PLOD1: variants seen among roughly 807,000 people sequenced by gnomAD.
PLOD1 encodes the protein lysine hydroxylase.
PLOD1 carries 70 observed loss-of-function variants against 94.7 expected under a neutral mutation model. The observed-to-expected ratio is 0.74, with a 90% CI of 0.61 to 0.90. PLOD1 has a LOEUF of 0.90. Among genes scored for constraint, PLOD1 ranks in the 40% least tolerant of loss-of-function variants. The pLI, the probability that PLOD1 is intolerant of heterozygous loss-of-function variation, is 0.00. For missense variants in PLOD1, 905 were observed against 972.7 expected, an observed-to-expected ratio of 0.93 and a Z score of 0.93; for synonymous variants, 417 against 400.2, an observed-to-expected ratio of 1.04 and a Z score of -0.50.
rs779727617 is a variant in PLOD1 at position 11,957,806 on chromosome 1, G to C, written c.742-36G>C. ...AGTCAGGGCTATGGCAGGTGGGGCTGGCTGGCTTCTCTGTGACCCCACGTC... is the reference window on the plus strand; with the variant it reads ...AGTCAGGGCTATGGCAGGTGGGGCTCGCTGGCTTCTCTGTGACCCCACGTC... On this transcript the variant is annotated intron_variant, in intron 7 of 18. Transcript: ENST00000196061. This position sits in a 1 kb window ranked among gnomAD's most constrained non-coding sequence, Gnocchi z 4.1. The C allele has an allele frequency of 4.1e-5, 60 of 1,452,364 alleles. No individual in the cohort carries two copies. The Middle Eastern group carries it at 1.6e-3, about 38-fold the overall frequency. The allele number at this position is 1,452,364 out of a possible 1,614,324, so 90.0% of individuals were successfully genotyped here. A position where few individuals can be genotyped will look rare whatever the true frequency, so the allele number is the denominator to read the frequency against.
At position 11,958,785 on chromosome 1, in the gene PLOD1, C is replaced by A; in HGVS notation, c.975+138C>A. ...ATGACAATCACCAGTGGACTGTGTC[C>A]CCAAATCACTGAGTTAACTTTGGAG... is the stretch of plus-strand genomic sequence containing the variant. On this transcript the variant is annotated intron_variant, in intron 9 of 18. Transcript: ENST00000196061. The surrounding 1 kb of genome is among the most constrained non-coding windows in gnomAD (Gnocchi z 4.3). The A allele has an allele frequency of 1.0e-6, 1 of 991,230 alleles. No homozygotes were observed. Among genetic ancestry groups the A allele is most frequent in the Non-Finnish European group, 1.5e-6 (1 of 647,212 alleles). 61.4% of individuals were successfully genotyped at this position (991,230 alleles called of 1,614,324 possible). A position where few individuals can be genotyped will look rare whatever the true frequency, so the allele number is the denominator to read the frequency against.
intron 11 of PLOD1, 148 bp from the exon 12 acceptor site, chr1:11,964,027 C>G: frequency 1.1e-6 from 1 of 870,798 alleles, no homozygotes; most frequent in Non-Finnish European, 1.9e-6. Flanking sequence ...CCCCCGACAC[C>G]CCGGCCAAGG....
intron 16 of PLOD1, among the ~76,000 whole-genome samples, chr1:11,969,535 C>T (rs1413009319): frequency 6.6e-6 from 1 of 152,176 alleles, no homozygotes; most frequent in Non-Finnish European, 1.5e-5. Context: ...GGCCAGACCT[C>T]GGACCCCAGC....
chr1:11,968,518 CTTTTTTT>C (rs1359987084), intron 16 of PLOD1, among the ~76,000 whole-genome samples: 9 of 141,740 alleles, frequency 6.3e-5, no homozygotes, highest in South Asian at 4.5e-4. Flanking sequence ...TTTCTTTTTT[CTTTTTTT>C]TTTTTTTGAA....
At chr1:11,942,053 G>A (rs984704224) in intron 1 of PLOD1, among the ~76,000 whole-genome samples, 2 of 150,978 alleles carry the variant, frequency 1.3e-5, no homozygotes, top group Non-Finnish European at 2.9e-5. Flanking sequence ...CACAACCCTG[G>A]CTCACTGCAA....
At chr1:11,968,956 C>G (rs993048271) in intron 16 of PLOD1, among the ~76,000 whole-genome samples, 1 of 149,874 alleles carries the variant, frequency 6.7e-6, no homozygotes, top group African/African-American at 2.5e-5. Flanking sequence ...CTCCTGAGTT[C>G]AAGTGATTCT....
In PLOD1 at chr1:11,958,397, T is replaced by C; in HGVS notation, c.844-119T>C. 1 of 1,187,172 alleles carries C rather than the reference T, an allele frequency of 8.4e-7. No individual in the cohort carries two copies. The highest frequency in any genetic ancestry group is 1.2e-6 in the Non-Finnish European group (1 of 829,726). 73.5% of individuals were successfully genotyped at this position (1,187,172 alleles called of 1,614,324 possible). On this transcript the variant is annotated intron_variant, in intron 8 of 18. Transcript: ENST00000196061. This position sits in a 1 kb window ranked among gnomAD's most constrained non-coding sequence, Gnocchi z 4.3. ...CTGGAGTTCCCCGGCCCGGGCACCTTTCTTGGGAAGTCTACATGCTTCTGA... is the reference window on the plus strand; with the variant it reads ...CTGGAGTTCCCCGGCCCGGGCACCTCTCTTGGGAAGTCTACATGCTTCTGA...
chr1:11,963,762 C>T lies in PLOD1; in HGVS notation c.1202+126C>T. On this transcript the variant is annotated intron_variant, in intron 11 of 18. Coordinates refer to ENST00000196061, the MANE Select transcript of PLOD1 (RefSeq NM_000302.4). This position sits in a 1 kb window ranked among gnomAD's most constrained non-coding sequence, Gnocchi z 4.3. Reference sequence around the variant, plus strand: ...CTTCCTCCTCTTTTTCCTTCTCCTGCTCCTCTTTCTCCTCCTCGTCTTCCT... The same window carrying T: ...CTTCCTCCTCTTTTTCCTTCTCCTGTTCCTCTTTCTCCTCCTCGTCTTCCT... 2.8e-6 allele frequency: 2 copies of T among 704,448 alleles called. No homozygotes were observed. Among genetic ancestry groups the T allele is most frequent in the South Asian group, 3.0e-5 (2 of 67,300 alleles). 43.6% of individuals were successfully genotyped at this position (704,448 alleles called of 1,614,324 possible). A position where few individuals can be genotyped will look rare whatever the true frequency, so the allele number is the denominator to read the frequency against.
At chr1:11,969,621 C>A (rs1480045598) in intron 16 of PLOD1, among the ~76,000 whole-genome samples, 2 of 152,154 alleles carry the variant, frequency 1.3e-5, no homozygotes, top group Admixed American at 1.3e-4. Context: ...CGTGTGTTAT[C>A]TCCTGGTTTC....
rs369976401 is a variant in PLOD1, at chr1:11,963,771, C to CTCCTCCTCGTCT, written c.1202+143_1202+154dup. 9,067 of 701,950 alleles carry CTCCTCCTCGTCT rather than the reference C, an allele frequency of 0.013. 263 individuals are homozygous for CTCCTCCTCGTCT. Among genetic ancestry groups the CTCCTCCTCGTCT allele is most frequent in the African/African-American group, 0.075 (4,285 of 57,116 alleles). The allele number at this position is 701,950 out of a possible 1,614,324, so 43.5% of individuals were successfully genotyped here. On this transcript the variant is annotated intron_variant, in intron 11 of 18. Transcript: ENST00000196061. This position sits in a 1 kb window ranked among gnomAD's most constrained non-coding sequence, Gnocchi z 4.3. ...CTTTTTCCTTCTCCTGCTCCTCTTTCTCCTCCTCGTCTTCCTCCTTGTCTT... is the reference window on the plus strand; with the variant it reads ...CTTTTTCCTTCTCCTGCTCCTCTTTCTCCTCCTCGTCTTCCTCCTCGTCTTCCTCCTTGTCTT...
chr1:11,966,603 C>T (rs770400798), intron 15 of PLOD1, among the ~76,000 whole-genome samples: 1 of 152,038 alleles, frequency 6.6e-6, no homozygotes, highest in Non-Finnish European at 1.5e-5. Context: ...CAGGGCCTCT[C>T]TACCTGGCCC....
At position 11,958,447 on chromosome 1, in the gene PLOD1, AC is replaced by A; in HGVS notation, c.844-66del. 1 of 1,584,974 alleles carries A rather than the reference AC, an allele frequency of 6.3e-7. No homozygotes were observed. Among genetic ancestry groups the A allele is most frequent in the African/African-American group, 1.3e-5 (1 of 74,280 alleles). On this transcript the variant is annotated intron_variant, in intron 8 of 18. Transcript: ENST00000196061. The surrounding 1 kb of genome is among the most constrained non-coding windows in gnomAD (Gnocchi z 4.3). ...ATTCTGGCTCTGACTCCCTTGGGCC[AC>A]CCTGGGGTGGAGTGGCAGTGCTGTG...
At chr1:11,947,743 C>T (rs1395530999) in intron 1 of PLOD1, among the ~76,000 whole-genome samples, 1 of 152,148 alleles carries the variant, frequency 6.6e-6, no homozygotes, top group Non-Finnish European at 1.5e-5. Flanking sequence ...TTGGAGGGGA[C>T]AAATATCCAA....
rs764151578 is a variant in PLOD1 at position 11,972,719 on chromosome 1, G to T, written c.1903-153G>T. The T allele has an allele frequency of 1.6e-5, 11 of 689,262 alleles. No individual in the cohort carries two copies. Among genetic ancestry groups the T allele is most frequent in the African/African-American group, 5.3e-5 (3 of 56,140 alleles). 42.7% of individuals were successfully genotyped at this position (689,262 alleles called of 1,614,324 possible). On this transcript the variant is annotated intron_variant, in intron 17 of 18. Coordinates refer to ENST00000196061, the MANE Select transcript of PLOD1 (RefSeq NM_000302.4). The surrounding 1 kb of genome is among the most constrained non-coding windows in gnomAD (Gnocchi z 4.6). ...AGAACCTTTTCTGTGCCAGGTAGTTGCAGGCACTCGAGCATAGAGCCCCAT... is the reference window on the plus strand; with the variant it reads ...AGAACCTTTTCTGTGCCAGGTAGTTTCAGGCACTCGAGCATAGAGCCCCAT...
rs1372952215 is a variant in PLOD1, at chr1:11,958,910, A to G, written c.975+263A>G. On this transcript the variant is annotated intron_variant, in intron 9 of 18. Coordinates refer to ENST00000196061, the MANE Select transcript of PLOD1 (RefSeq NM_000302.4). The surrounding 1 kb of genome is among the most constrained non-coding windows in gnomAD (Gnocchi z 4.3). ...TCTGTGCTTTAGTTTCTCATCTATA[A>G]AATAGGCATAAAAGTCGGGCGCGGT... Among the ~76,000 whole-genome samples the G allele has an allele frequency of 6.6e-6, 1 of 152,146 alleles. No individual in the cohort carries two copies. The highest frequency in any genetic ancestry group is 1.9e-4 in the East Asian group (1 of 5,190).
At chr1:11,944,438 C>A (rs778792254) in intron 1 of PLOD1, 992 of 792,958 alleles carry the variant, frequency 1.3e-3, no homozygotes, top group South Asian at 3.4e-3. Flanking sequence ...CACACACACA[C>A]ACACACACAC....
intron 1 of PLOD1, among the ~76,000 whole-genome samples, chr1:11,939,107 GAGA>G (rs200693748): frequency 0.026 from 3,918 of 152,266 alleles, 142 homozygotes; most frequent in African/African-American, 0.09. Context: ...GCCGTGGTGA[GAGA>G]AGGACAGCTG....
At chr1:11,961,648 C>T (rs981279710) in intron 10 of PLOD1, among the ~76,000 whole-genome samples, 2 of 152,070 alleles carry the variant, frequency 1.3e-5, no homozygotes, top group Non-Finnish European at 2.9e-5. Flanking sequence ...TCACTCTTGT[C>T]ATCCAGGCTG....
At chr1:11,939,143 C>A (rs535800244) in intron 1 of PLOD1, among the ~76,000 whole-genome samples, 1 of 152,234 alleles carries the variant, frequency 6.6e-6, no homozygotes, top group South Asian at 2.1e-4. Context: ...GCTCAGCTGG[C>A]CGTTCAGGTC....
Sources: allele counts gnomAD v4.1 joint callset (sites outside exome capture counted in the v4.1 genomes callset), GRCh38; gene constraint gnomAD v4.1.1; non-coding constraint Gnocchi (gnomAD v3.1); transcripts MANE v1.5; gene names NCBI Gene and HGNC (gene_info 2026-07-23, HGNC 2026-07-21).